The following MTMR7 variants were observed in gnomAD, a reference collection of about 807,000 sequenced individuals.
The protein encoded by MTMR7 is myotubularin related protein 7, also known as phosphatidylinositol-3-phosphate phosphatase MTMR7.
MTMR7 carries 76 observed loss-of-function variants against 81.2 expected under a neutral mutation model. The ratio of observed to expected loss-of-function variants is 0.94; its 90% CI spans 0.78 to 1.13. The LOEUF is 1.13. Ranked by LOEUF, MTMR7 falls within the 50% of genes most tolerant of loss-of-function variation. The probability of loss-of-function intolerance (pLI) is 0.00; values close to 1 mark genes in which losing one functional copy is unlikely to be tolerated. For missense variants in MTMR7, 1,044 were observed against 820.0 expected, an observed-to-expected ratio of 1.27 and a Z score of -3.34; for synonymous variants, 372 against 289.8, an observed-to-expected ratio of 1.28 and a Z score of -2.88.
intron 4 of MTMR7, among the ~76,000 whole-genome samples, chr8:17,358,702 T>C (rs1176614314): frequency 2.0e-5 from 3 of 152,130 alleles, no homozygotes; most frequent in African/African-American, 7.2e-5. Context: ...AACTAACAAA[T>C]ACTGATCAAA....
intron 3 of MTMR7, 77 bp downstream of exon 3, chr8:17,370,960 A>G: frequency 2.1e-6 from 3 of 1,443,770 alleles, no homozygotes; most frequent in Non-Finnish European, 1.9e-6. Context: ...ATTCCTAAGC[A>G]CCATACAAAT....
intron 3 of MTMR7, among the ~76,000 whole-genome samples, chr8:17,364,914 C>A (rs1820180058): frequency 6.6e-6 from 1 of 152,236 alleles, no homozygotes; most frequent in Admixed American, 6.5e-5. Context: ...CGATTTCAAT[C>A]TTTCCAGTAA....
chr8:17,405,929 T>C (rs956397619), intron 1 of MTMR7, among the ~76,000 whole-genome samples: 4 of 151,970 alleles, frequency 2.6e-5, no homozygotes, highest in Non-Finnish European at 5.9e-5. Flanking sequence ...GTTTTATATA[T>C]GTAAAGAAAA....
chr8:17,328,839 G>A (rs1347205697), intron 7 of MTMR7, among the ~76,000 whole-genome samples: 5 of 152,302 alleles, frequency 3.3e-5, no homozygotes, highest in African/African-American at 7.2e-5. Flanking sequence ...TGCTTGCTAT[G>A]TGACTGAAAG....
intron 5 of MTMR7, among the ~76,000 whole-genome samples, chr8:17,347,087 G>A (rs536011313): frequency 4.6e-5 from 7 of 151,368 alleles, no homozygotes; most frequent in South Asian, 2.1e-4. Flanking sequence ...CCAGTGACTC[G>A]GGAGGCTGAG....
At chr8:17,408,779 A>G (rs971239618) in intron 1 of MTMR7, among the ~76,000 whole-genome samples, 7 of 152,204 alleles carry the variant, frequency 4.6e-5, no homozygotes, top group Non-Finnish European at 1.0e-4. Context: ...AGATATTATC[A>G]TCAAGCCTAA....
At position 17,297,901 on chromosome 8, in the gene MTMR7, A is replaced by G. The variant is rs891498696; in HGVS notation, c.*1961T>C. 1 of 152,070 alleles carries G rather than the reference A, an allele frequency of 6.6e-6. No individual in the cohort carries two copies. Among genetic ancestry groups the G allele is most frequent in the Non-Finnish European group, 1.5e-5 (1 of 67,910 alleles). 9.4% of individuals were successfully genotyped at this position (152,070 alleles called of 1,614,324 possible). A position where few individuals can be genotyped will look rare whatever the true frequency, so the allele number is the denominator to read the frequency against. ...AATTATAATGTCTGTCTTGTAAAAAAGTTGAGGGGACTAAAAGTTTATGAC... is the reference window on the plus strand; with the variant it reads ...AATTATAATGTCTGTCTTGTAAAAAGGTTGAGGGGACTAAAAGTTTATGAC... On this transcript the variant is annotated 3_prime_UTR_variant, in exon 14 of 14. Transcript: ENST00000180173.
chr8:17,311,436 C>A, intron 9 of MTMR7, 75 bp downstream of exon 9: 2 of 1,593,908 alleles, frequency 1.3e-6, no homozygotes, highest in Non-Finnish European at 1.7e-6. Flanking sequence ...ACAGCAGTTG[C>A]CAGTAGTTGT....
intron 12 of MTMR7, 108 bp from the exon 13 acceptor site, chr8:17,302,388 A>C: frequency 2.4e-6 from 3 of 1,269,228 alleles, no homozygotes; most frequent in Non-Finnish European, 3.2e-6. Context: ...TAATAACCAA[A>C]TGCAAATTTC....
At chr8:17,389,548 C>G (rs1263703069) in intron 1 of MTMR7, among the ~76,000 whole-genome samples, 1 of 152,034 alleles carries the variant, frequency 6.6e-6, no homozygotes, top group Non-Finnish European at 1.5e-5. Context: ...ATCTTTGTAG[C>G]CTGATGCCAA....
intron 10 of MTMR7, among the ~76,000 whole-genome samples, chr8:17,306,501 T>C (rs1398308793): frequency 6.6e-6 from 1 of 152,222 alleles, no homozygotes; most frequent in Non-Finnish European, 1.5e-5. Context: ...ACATGTATTT[T>C]TCTTTTATCT....
At chr8:17,400,944 A>C (rs1227850087) in intron 1 of MTMR7, among the ~76,000 whole-genome samples, 5 of 152,192 alleles carry the variant, frequency 3.3e-5, no homozygotes, top group Non-Finnish European at 7.3e-5. Flanking sequence ...GGTCTAGCAA[A>C]AGTTGAAGTC....
chr8:17,330,228 G>GA (rs759802819), intron 7 of MTMR7, among the ~76,000 whole-genome samples: 2 of 152,142 alleles, frequency 1.3e-5, no homozygotes, highest in African/African-American at 2.4e-5. Flanking sequence ...TGGATTCCTG[G>GA]AAAAAATAAT....
chr8:17,337,783 T>C (rs1245214299), intron 6 of MTMR7, among the ~76,000 whole-genome samples: 6 of 152,106 alleles, frequency 3.9e-5, no homozygotes, highest in African/African-American at 4.8e-5. Context: ...ATCCAGCTCA[T>C]TTTTTTCTGT....
At chr8:17,374,880 G>A (rs1820528251) in intron 1 of MTMR7, among the ~76,000 whole-genome samples, 1 of 151,246 alleles carries the variant, frequency 6.6e-6, no homozygotes, top group African/African-American at 2.4e-5. Context: ...CATGAGGTCG[G>A]GAGTTCAAGA....
rs561142384 is a variant in MTMR7 at position 17,408,883 on chromosome 8, G to C, written c.24+4386C>G. ...TTTTGGGGGTGACAAAAGTGTTCTA[G>C]AACCAGATGGTGGTGATGTCTGCAC... On this transcript the variant is annotated intron_variant, in intron 1 of 13. Coordinates refer to ENST00000180173, the MANE Select transcript of MTMR7 (RefSeq NM_004686.5). Among the ~76,000 whole-genome samples the C allele has an allele frequency of 5.9e-5, 9 of 152,226 alleles. No individual in the cohort carries two copies. In the East Asian group the frequency reaches 1.7e-3, roughly 29 times the overall value.
rs761924224 is a variant in MTMR7, at chr8:17,361,263, C to G, written c.322G>C (p.Glu108Gln). ...GGGTTGAATGAAAAGCAGTATAACT[C>G]CTCATATTTCACTGCAAGAAAAGGT... is the stretch of plus-strand genomic sequence containing the variant. Reference protein sequence around the residue: ...IRLARPVKYEELYCFSFNPML... With the variant: ...IRLARPVKYEQLYCFSFNPML... The change falls in exon 4 of 14, where the codon GAG (glutamate) becomes CAG (glutamine). Residue 108 changes from glutamate to glutamine, a missense_variant. Transcript: ENST00000180173. 1.2e-6 allele frequency: 2 copies of G among 1,613,996 alleles called. No homozygotes were observed. The highest frequency in any genetic ancestry group is 1.7e-6 in the Non-Finnish European group (2 of 1,179,994).
At chr8:17,373,923 G>C (rs1407619792) in intron 1 of MTMR7, among the ~76,000 whole-genome samples, 1 of 152,162 alleles carries the variant, frequency 6.6e-6, no homozygotes, top group Non-Finnish European at 1.5e-5. Context: ...CATGTGCACT[G>C]AGATCATCCT....
chr8:17,329,303 C>G (rs1818869326), intron 7 of MTMR7, among the ~76,000 whole-genome samples: 1 of 152,162 alleles, frequency 6.6e-6, no homozygotes, highest in South Asian at 2.1e-4. Context: ...TCGGTAAAAA[C>G]AGATAGTCAA....
Sources: gnomAD v4.1 joint callset for allele counts (sites outside exome capture counted in the v4.1 genomes callset) on GRCh38, gnomAD v4.1.1 for gene constraint, MANE v1.5 for transcripts, NCBI Gene and HGNC (gene_info 2026-07-23, HGNC 2026-07-21) for gene names.